The following SLC25A48 variants were observed in gnomAD, a reference collection of about 807,000 sequenced individuals.
SLC25A48 encodes solute carrier family 25 member 48.
SLC25A48 carries 29 observed loss-of-function variants against 32.2 expected under a neutral mutation model. The ratio of observed to expected loss-of-function variants is 0.90; its 90% CI spans 0.67 to 1.23. The LOEUF (loss-of-function observed/expected upper bound fraction) is 1.23. Among genes scored for constraint, SLC25A48 ranks in the 50% most tolerant of loss-of-function variants. SLC25A48 has a pLI of 0.00. For missense variants in SLC25A48, 399 were observed against 422.7 expected (o/e 0.94, Z 0.49); for synonymous variants, 164 against 172.3 (o/e 0.95, Z 0.38).
At chr5:135,737,895 C>T (rs567074898) in intron 3 of SLC25A48, among the ~76,000 whole-genome samples, 17 of 152,282 alleles carry the variant, frequency 1.1e-4, no homozygotes, top group South Asian at 4.2e-4. Context: ...TGGGAAAATG[C>T]CATCCACAGA....
At chr5:135,603,212 T>C (rs1475142739) in intron 1 of SLC25A48, among the ~76,000 whole-genome samples, 1 of 152,216 alleles carries the variant, frequency 6.6e-6, no homozygotes, top group Non-Finnish European at 1.5e-5. Flanking sequence ...AGTCATACAT[T>C]CATCTGGTTC....
intron 1 of SLC25A48, among the ~76,000 whole-genome samples, chr5:135,587,604 G>A (rs1292644986): frequency 1.3e-5 from 2 of 152,136 alleles, no homozygotes; most frequent in Admixed American, 1.3e-4. Flanking sequence ...GGTCCAAGGT[G>A]TTCCTCAGAG....
chr5:135,765,247 G>A (rs35191733), intron 3 of SLC25A48, among the ~76,000 whole-genome samples: 45,703 of 151,298 alleles, frequency 0.3, 7,051 homozygotes, highest in East Asian at 0.46. Context: ...TCCCCACATC[G>A]CAGGGTGTGT....
At chr5:135,742,107 T>A (rs972675314) in intron 3 of SLC25A48, among the ~76,000 whole-genome samples, 1 of 152,114 alleles carries the variant, frequency 6.6e-6, no homozygotes, top group Non-Finnish European at 1.5e-5. Flanking sequence ...TATTTGAGAG[T>A]CTCATTCTGT....
At chr5:135,787,248 G>A (rs1756870790) in intron 3 of SLC25A48, among the ~76,000 whole-genome samples, 1 of 152,062 alleles carries the variant, frequency 6.6e-6, no homozygotes, top group Admixed American at 6.6e-5. Flanking sequence ...AATATTTTAG[G>A]GGGATTTTAC....
intron 3 of SLC25A48, among the ~76,000 whole-genome samples, chr5:135,742,957 T>TCCTCCTCCCCCTCCCCTCCCA (rs1554071278): frequency 7.8e-5 from 1 of 12,900 alleles, no homozygotes; most frequent in African/African-American, 4.9e-4. Context: ...TCTGGAGACC[T>TCCTCCTCCCCCTCCCCTCCCA]CCCCCTCCCC....
chr5:135,650,327 A>G, intron 3 of SLC25A48: 1 of 440,570 alleles, frequency 2.3e-6, no homozygotes, highest in Non-Finnish European at 4.5e-6. Context: ...GTACACTCCA[A>G]GCTCACTTAG....
At chr5:135,808,827 G>A (rs1453155709) in intron 3 of SLC25A48, among the ~76,000 whole-genome samples, 1 of 152,098 alleles carries the variant, frequency 6.6e-6, no homozygotes, top group Non-Finnish European at 1.5e-5. Flanking sequence ...GTGATTGGGT[G>A]GAAATGGCCA....
At chr5:135,614,394 G>A (rs1326760735) in intron 1 of SLC25A48, among the ~76,000 whole-genome samples, 2 of 152,086 alleles carry the variant, frequency 1.3e-5, no homozygotes, top group East Asian at 3.9e-4. Context: ...TTCCAGTTTG[G>A]ATGTCTTTTA....
intron 3 of SLC25A48, among the ~76,000 whole-genome samples, chr5:135,705,290 A>G (rs969510091): frequency 2.0e-5 from 3 of 152,234 alleles, no homozygotes; most frequent in Non-Finnish European, 4.4e-5. Flanking sequence ...TGGCAGTCCC[A>G]GTGATGCTGT....
intron 3 of SLC25A48, among the ~76,000 whole-genome samples, chr5:135,645,584 A>T (rs1752940791): frequency 6.6e-6 from 1 of 152,214 alleles, no homozygotes. Flanking sequence ...GTCTGTGATC[A>T]TAACCCTTCT....
chr5:135,646,596 A>T (rs1473032841), intron 3 of SLC25A48, among the ~76,000 whole-genome samples: 1 of 148,016 alleles, frequency 6.8e-6, no homozygotes, highest in South Asian at 2.1e-4. Flanking sequence ...AAATGTATAT[A>T]CTCATTATAT....
chr5:135,629,415 C>T lies in SLC25A48; in HGVS notation c.-709+39C>T, dbSNP rs1752507933. The T allele has an allele frequency of 6.6e-6, 1 of 152,296 alleles. No individual in the cohort carries two copies. Among genetic ancestry groups the T allele is most frequent in the East Asian group, 1.9e-4 (1 of 5,186 alleles). The allele number at this position is 152,296 out of a possible 1,614,324, so 9.4% of individuals were successfully genotyped here. A position where few individuals can be genotyped will look rare whatever the true frequency, so the allele number is the denominator to read the frequency against. On this transcript the variant is annotated intron_variant, in intron 2 of 10. Coordinates refer to the SLC25A48 transcript ENST00000646290. This position sits in a 1 kb window ranked among gnomAD's most constrained non-coding sequence, Gnocchi z 4.8. ...CTGAGCACAGGACCCCACAGTGCCC[C>T]ACTTTGTTGGCTGCCCCTGAGAGGC...
intron 3 of SLC25A48, among the ~76,000 whole-genome samples, chr5:135,682,736 A>G (rs1282332540): frequency 1.3e-5 from 2 of 152,322 alleles, no homozygotes; most frequent in East Asian, 3.9e-4. Flanking sequence ...ATTATAATTC[A>G]AGTCCCCAGA....
At chr5:135,688,389 G>C (rs968250602) in intron 3 of SLC25A48, among the ~76,000 whole-genome samples, 22 of 152,022 alleles carry the variant, frequency 1.4e-4, no homozygotes, top group African/African-American at 5.3e-4. Flanking sequence ...AGATAATCCA[G>C]ATATTCCTGT....
intron 3 of SLC25A48, among the ~76,000 whole-genome samples, chr5:135,789,875 T>G (rs1352447309): frequency 6.6e-6 from 1 of 151,984 alleles, no homozygotes; most frequent in South Asian, 2.1e-4. Flanking sequence ...TTTCACAGGG[T>G]GTACACCTCT....
At chr5:135,655,371 G>C (rs921060400) in intron 3 of SLC25A48, among the ~76,000 whole-genome samples, 1 of 152,190 alleles carries the variant, frequency 6.6e-6, no homozygotes, top group African/African-American at 2.4e-5. Context: ...TGAGAAAATG[G>C]AGGAACAAAA....
At chr5:135,840,687 C>T (rs1758916276) in intron 1 of SLC25A48, among the ~76,000 whole-genome samples, 1 of 152,140 alleles carries the variant, frequency 6.6e-6, no homozygotes, top group Non-Finnish European at 1.5e-5. Context: ...TGTGTCTGGC[C>T]TTTTTAATTT....
At chr5:135,664,114 G>A (rs1168429809) in intron 3 of SLC25A48, among the ~76,000 whole-genome samples, 1 of 152,182 alleles carries the variant, frequency 6.6e-6, no homozygotes, top group Non-Finnish European at 1.5e-5. Flanking sequence ...TAAAATTTAG[G>A]TTCTTCAGTT....
Sources: gnomAD v4.1 joint callset for allele counts (sites outside exome capture counted in the v4.1 genomes callset) on GRCh38, gnomAD v4.1.1 for gene constraint, Gnocchi (gnomAD v3.1) non-coding constraint, MANE v1.5 for transcripts, NCBI Gene and HGNC (gene_info 2026-07-23, HGNC 2026-07-21) for gene names.